Variants in SPTLC2 observed in about 807,000 individuals in gnomAD.
SPTLC2 encodes the protein serine palmitoyltransferase long chain base subunit 2.
In SPTLC2, 21 loss-of-function variants were observed where a neutral mutation model predicts 62.0. The ratio of observed to expected loss-of-function variants is 0.34; its 90% CI spans 0.24 to 0.49. The LOEUF (loss-of-function observed/expected upper bound fraction) is 0.49. SPTLC2 is among the 20% of genes least tolerant of loss of function. The probability of loss-of-function intolerance (pLI) is 0.99; values close to 1 mark genes in which losing one functional copy is unlikely to be tolerated. For synonymous variants in SPTLC2, 261 were observed against 261.8 expected (o/e 1.00, Z 0.03); for missense variants, 511 against 713.0 (o/e 0.72, Z 3.23).
At chr14:77,555,978 A>T (rs2079581295) in intron 7 of SPTLC2, among the ~76,000 whole-genome samples, 1 of 152,226 alleles carries the variant, frequency 6.6e-6, no homozygotes, top group African/African-American at 2.4e-5. Context: ...TGACAAAGGT[A>T]GATGAAGCCA....
chr14:77,611,137 CAA>C (rs71128656), intron 1 of SPTLC2, among the ~76,000 whole-genome samples: 9 of 126,498 alleles, frequency 7.1e-5, no homozygotes, highest in Admixed American at 8.1e-5. Flanking sequence ...ACTAAAAATA[CAA>C]AAAAAAAAAA....
At chr14:77,515,988 CTGTGTGTG>C (rs142493170) in intron 11 of SPTLC2, among the ~76,000 whole-genome samples, 2 of 151,078 alleles carry the variant, frequency 1.3e-5, no homozygotes, top group Non-Finnish European at 1.5e-5. Context: ...TGAGCTCTAG[CTGTGTGTG>C]TGTGTGTGTG....
chr14:77,608,538 G>A (rs2079917117), intron 1 of SPTLC2, among the ~76,000 whole-genome samples: 1 of 152,136 alleles, frequency 6.6e-6, no homozygotes, highest in African/African-American at 2.4e-5. Context: ...CCTGCTATGA[G>A]CTAGGCATGA....
At chr14:77,561,621 A>G (rs921627397) in intron 6 of SPTLC2, among the ~76,000 whole-genome samples, 89 of 152,234 alleles carry the variant, frequency 5.8e-4, no homozygotes, top group African/African-American at 2.1e-3. Flanking sequence ...CAAAAAAAAA[A>G]AAAAGAAAAT....
chr14:77,605,594 TA>T (rs1283639668), intron 1 of SPTLC2, among the ~76,000 whole-genome samples: 1 of 152,222 alleles, frequency 6.6e-6, no homozygotes, highest in Non-Finnish European at 1.5e-5. Flanking sequence ...GTGGTACTTG[TA>T]GAGCTTTAGC....
intron 4 of SPTLC2, among the ~76,000 whole-genome samples, chr14:77,576,202 A>C (rs924718639): frequency 3.6e-4 from 55 of 152,354 alleles, no homozygotes; most frequent in African/African-American, 1.3e-3. Flanking sequence ...ATCAAATTGG[A>C]ACAATCTGAA....
At chr14:77,585,473 G>A (rs1017845230) in intron 2 of SPTLC2, among the ~76,000 whole-genome samples, 1 of 151,940 alleles carries the variant, frequency 6.6e-6, no homozygotes, top group Non-Finnish European at 1.5e-5. Flanking sequence ...TAGAGTCTGG[G>A]GCACCAATCT....
chr14:77,546,508 T>C (rs1473876830), intron 9 of SPTLC2, among the ~76,000 whole-genome samples: 5 of 151,670 alleles, frequency 3.3e-5, no homozygotes, highest in Non-Finnish European at 7.4e-5. Context: ...AAGGAGGAGG[T>C]TGTAGAAGAG....
At chr14:77,565,793 T>C (rs2079641798) in intron 5 of SPTLC2, among the ~76,000 whole-genome samples, 1 of 152,228 alleles carries the variant, frequency 6.6e-6, no homozygotes, top group South Asian at 2.1e-4. Context: ...AGTTATAGTA[T>C]TGTGTCACAG....
chr14:77,545,642 A>G (rs573936860), intron 9 of SPTLC2, among the ~76,000 whole-genome samples: 3 of 152,330 alleles, frequency 2.0e-5, no homozygotes, highest in African/African-American at 2.4e-5. Flanking sequence ...TATCTGCTAT[A>G]AAGTTGGGGA....
At chr14:77,538,252 G>C (rs542213500) in intron 9 of SPTLC2, among the ~76,000 whole-genome samples, 1 of 152,236 alleles carries the variant, frequency 6.6e-6, no homozygotes, top group East Asian at 1.9e-4. Context: ...ATCCAGGTGA[G>C]GCAAATTACC....
chr14:77,514,226 T>G (rs1330842834), intron 11 of SPTLC2, among the ~76,000 whole-genome samples: 1 of 152,132 alleles, frequency 6.6e-6, no homozygotes, highest in East Asian at 1.9e-4. Context: ...GATCACAAAG[T>G]AATGGACATT....
intron 11 of SPTLC2, among the ~76,000 whole-genome samples, chr14:77,516,832 T>C (rs760017928): frequency 1.4e-4 from 22 of 152,244 alleles, no homozygotes; most frequent in Admixed American, 1.3e-4. Flanking sequence ...CTTATACTCA[T>C]AGAAATTTTG....
chr14:77,569,292 T>A (rs1457876741), intron 5 of SPTLC2, among the ~76,000 whole-genome samples: 3 of 152,214 alleles, frequency 2.0e-5, no homozygotes, highest in Non-Finnish European at 4.4e-5. Flanking sequence ...GAAACCTACT[T>A]AATTTTATCC....
In SPTLC2 at chr14:77,509,886, A is replaced by G. The variant is rs911924117; in HGVS notation, c.*2398T>C. On this transcript the variant is annotated 3_prime_UTR_variant, in exon 12 of 12. Transcript: ENST00000216484. ...GAAATAACTTTGTACCAACAAAGTGATATAGATATATTTTAAATGCCGGTA... is the reference window on the plus strand; with the variant it reads ...GAAATAACTTTGTACCAACAAAGTGGTATAGATATATTTTAAATGCCGGTA... 5.0e-6 allele frequency: 2 copies of G among 398,344 alleles called. No homozygotes were observed. The highest frequency in any genetic ancestry group is 4.1e-5 in the African/African-American group (2 of 48,638). The allele number at this position is 398,344 out of a possible 1,614,324, so 24.7% of individuals were successfully genotyped here.
At chr14:77,556,444 T>C (rs565712675) in intron 7 of SPTLC2, among the ~76,000 whole-genome samples, 1 of 152,304 alleles carries the variant, frequency 6.6e-6, no homozygotes, top group South Asian at 2.1e-4. Context: ...AACATGAGAC[T>C]TTGCATCACG....
At chr14:77,602,461 TA>T (rs2079883104) in intron 1 of SPTLC2, among the ~76,000 whole-genome samples, 1 of 152,162 alleles carries the variant, frequency 6.6e-6, no homozygotes, top group Admixed American at 6.6e-5. Context: ...GGCTTCCAGA[TA>T]GAATTAGTAA....
Position 77,616,463 on chromosome 14 carries a change from T to G in SPTLC2, c.117A>C (p.Ala39=), listed in dbSNP as rs1288670374. ...CCCCTCGTACCTGGCCGGCGGCGGC[T>G]GCGGCTGCGGCTGCAGCGCTGCTCC... The part of the protein sequence containing the change: ...YVRSSAAAAA[A]AAAGQIHHVT... The change falls in exon 1 of 12, where the codon GCA becomes GCC. Residue 39 remains alanine, a synonymous_variant. Transcript: ENST00000216484. The G allele has an allele frequency of 2.0e-6, 3 of 1,487,124 alleles. No individual in the cohort carries two copies. Among genetic ancestry groups the G allele is most frequent in the South Asian group, 1.3e-5 (1 of 79,380 alleles). 92.1% of individuals were successfully genotyped at this position (1,487,124 alleles called of 1,614,324 possible). A position where few individuals can be genotyped will look rare whatever the true frequency, so the allele number is the denominator to read the frequency against.
chr14:77,554,848 TTG>T (rs2079574186), intron 8 of SPTLC2: 1 of 226,128 alleles, frequency 4.4e-6, no homozygotes, highest in African/African-American at 2.3e-5. Flanking sequence ...ATACAATGCT[TTG>T]TAGTACCCCA....
Sources: gnomAD v4.1 joint callset for allele counts (sites outside exome capture counted in the v4.1 genomes callset) on GRCh38, gnomAD v4.1.1 for gene constraint, MANE v1.5 for transcripts, NCBI Gene and HGNC (gene_info 2026-07-23, HGNC 2026-07-21) for gene names.